Variants in AP3M2 observed in about 807,000 individuals in gnomAD.
AP3M2 encodes the protein adaptor related protein complex 3 subunit mu 2.
In AP3M2, 28 loss-of-function variants were observed where a neutral mutation model predicts 41.6. The ratio of observed to expected loss-of-function variants is 0.67; its 90% CI spans 0.50 to 0.92. AP3M2 has a LOEUF of 0.92. Ranked by LOEUF, AP3M2 falls within the 40% of genes least tolerant of loss-of-function variation. The probability of loss-of-function intolerance (pLI) is 0.00; values close to 1 mark genes in which losing one functional copy is unlikely to be tolerated. For synonymous variants in AP3M2, 193 were observed against 186.4 expected, an observed-to-expected ratio of 1.04 and a Z score of -0.29; for missense variants, 427 against 521.4, an observed-to-expected ratio of 0.82 and a Z score of 1.76.
intron 3 of AP3M2, among the ~76,000 whole-genome samples, chr8:42,161,479 C>T (rs1043433104): frequency 3.3e-5 from 5 of 151,986 alleles, no homozygotes; most frequent in African/African-American, 1.2e-4. Flanking sequence ...TGTGGTGGCA[C>T]GCGCCTGTAG....
intron 8 of AP3M2, among the ~76,000 whole-genome samples, chr8:42,168,683 G>A (rs541614055): frequency 6.6e-6 from 1 of 152,204 alleles, no homozygotes; most frequent in African/African-American, 2.4e-5. Flanking sequence ...ATCATGCAGT[G>A]GTCTAATTTT....
intron 3 of AP3M2, among the ~76,000 whole-genome samples, chr8:42,160,798 C>T (rs1376134181): frequency 6.6e-6 from 1 of 152,108 alleles, no homozygotes. Context: ...CTGCCTTTTC[C>T]CTAGACTGCT....
In AP3M2 at chr8:42,167,182, G is replaced by A. The variant is rs1804662090; in HGVS notation, c.822G>A (p.Val274=). 1 of 1,614,176 alleles carries A rather than the reference G, an allele frequency of 6.2e-7. No individual in the cohort carries two copies. Among genetic ancestry groups the A allele is most frequent in the Non-Finnish European group, 8.5e-7 (1 of 1,180,020 alleles). Residue 274 remains valine, a synonymous_variant, in exon 7 of 9, where the codon GTG becomes GTA. Transcript: ENST00000396926. ...VSAQNLVAIP[V]YVKHNISFRD... The stretch of plus-strand genomic sequence containing the variant: ...TTTCCAGTCTGGTTGCAATCCCAGT[G>A]TATGTCAAACATAACATCAGTTTCC...
intron 6 of AP3M2, 200 bp from the exon 7 acceptor site, chr8:42,166,959 GTTAAT>G (rs1012137913): frequency 1.9e-5 from 11 of 569,890 alleles, no homozygotes; most frequent in African/African-American, 1.3e-4. Flanking sequence ...CATTAGAAAA[GTTAAT>G]TTAGTTACTA....
At chr8:42,162,906 A>C (rs1379408213) in intron 4 of AP3M2, among the ~76,000 whole-genome samples, 1 of 136,370 alleles carries the variant, frequency 7.3e-6, no homozygotes, top group African/African-American at 2.8e-5. Flanking sequence ...TGATCATGAC[A>C]CTGCACTCCA....
rs1188894679 is a variant in AP3M2 at position 42,167,269 on chromosome 8, G to T, written c.909G>T (p.Lys303Asn). The T allele has an allele frequency of 6.2e-7, 1 of 1,614,038 alleles. No homozygotes were observed. Among genetic ancestry groups the T allele is most frequent in the Non-Finnish European group, 8.5e-7 (1 of 1,180,036 alleles). ...ITVGPKQTMG[K>N]TIEGVTVTSQ... ...TGGGACCCAAGCAGACGATGGGGAA[G>T]ACCATTGAGGGAGTGACTGTCACCA... is the stretch of plus-strand genomic sequence containing the variant. Residue 303 changes from lysine to asparagine, a missense_variant, in exon 7 of 9, where the codon AAG becomes AAT. Lys to Asn is a moderately conservative substitution (Grantham distance 94, BLOSUM62 0). This residue lies in a region of AP3M2 where 237 missense variants were observed against 284.9 expected (regional missense o/e 0.83). Coordinates refer to ENST00000396926, the MANE Select transcript of AP3M2 (RefSeq NM_006803.4).
Position 42,169,281 on chromosome 8 carries a change from A to T in AP3M2, c.*220A>T. On this transcript the variant is annotated 3_prime_UTR_variant, in exon 9 of 9. Coordinates refer to ENST00000396926, the MANE Select transcript of AP3M2 (RefSeq NM_006803.4). The stretch of plus-strand genomic sequence containing the variant: ...AACACAGCAACACCAGTTCTCAAGG[A>T]CAAGGTGTGTGATGGGGGTAGGAAG... The T allele has an allele frequency of 4.8e-6, 2 of 417,370 alleles. No homozygotes were observed. The highest frequency in any genetic ancestry group is 8.4e-6 in the Non-Finnish European group (2 of 236,938). 25.9% of individuals were successfully genotyped at this position (417,370 alleles called of 1,614,324 possible).
Position 42,165,464 on chromosome 8 carries a change from G to C in AP3M2, c.707G>C (p.Cys236Ser), listed in dbSNP as rs764746471. ...RLLDDVSFHP[C>S]VRFKRWESER... ...TTGGATGATGTCAGCTTCCATCCTTGTGTTCGTTTCAAACGCTGGGAATCT... is the reference window on the plus strand; with the variant it reads ...TTGGATGATGTCAGCTTCCATCCTTCTGTTCGTTTCAAACGCTGGGAATCT... The change falls in exon 6 of 9, where the codon TGT (cysteine) becomes TCT (serine). Residue 236 changes from cysteine (C) to serine (S), a missense_variant. Around this residue, in one of 3 missense-constraint regions of AP3M2, gnomAD observed 237 missense variants for 284.9 expected, o/e 0.83. Coordinates refer to ENST00000396926, the MANE Select transcript of AP3M2 (RefSeq NM_006803.4). The C allele has an allele frequency of 8.1e-6, 13 of 1,614,090 alleles. No individual in the cohort carries two copies. The highest frequency in any genetic ancestry group is 1.6e-4 in the Middle Eastern group (1 of 6,084).
At chr8:42,166,372 A>G (rs1014482506) in intron 6 of AP3M2, among the ~76,000 whole-genome samples, 2 of 152,122 alleles carry the variant, frequency 1.3e-5, no homozygotes, top group African/African-American at 4.8e-5. Flanking sequence ...GAAGTACTCA[A>G]TACATGTTAG....
intron 3 of AP3M2, among the ~76,000 whole-genome samples, chr8:42,160,797 C>T (rs1224896287): frequency 6.6e-6 from 1 of 152,160 alleles, no homozygotes; most frequent in Non-Finnish European, 1.5e-5. Context: ...CCTGCCTTTT[C>T]CCTAGACTGC....
intron 8 of AP3M2, chr8:42,168,128 G>T (rs1307965322): frequency 1.9e-6 from 1 of 519,106 alleles, no homozygotes; most frequent in Admixed American, 2.3e-5. Flanking sequence ...AAGGTTTTCA[G>T]TATGAGAATC....
intron 6 of AP3M2, among the ~76,000 whole-genome samples, chr8:42,166,482 C>T (rs1279872684): frequency 6.7e-6 from 1 of 148,438 alleles, no homozygotes; most frequent in Non-Finnish European, 1.5e-5. Context: ...TTTGTAAGGA[C>T]CAGATGATGT....
At chr8:42,165,305 C>T in intron 5 of AP3M2, 122 bp from the exon 6 acceptor site, 4 of 1,437,548 alleles carry the variant, frequency 2.8e-6, no homozygotes, top group South Asian at 2.6e-5. Flanking sequence ...GAAGTCACTA[C>T]ATGATTTCTG....
At chr8:42,164,222 G>A (rs1460665102) in intron 4 of AP3M2, among the ~76,000 whole-genome samples, 1 of 152,220 alleles carries the variant, frequency 6.6e-6, no homozygotes, top group Non-Finnish European at 1.5e-5. Context: ...GGATGCATCT[G>A]TGTTTCTGGC....
At chr8:42,167,986 C>T (rs889177212) in intron 8 of AP3M2, among the ~76,000 whole-genome samples, 176 bp downstream of exon 8, 7 of 152,162 alleles carry the variant, frequency 4.6e-5, no homozygotes, top group African/African-American at 1.7e-4. Context: ...ATTTACAATC[C>T]TTCCTTTGAA....
intron 8 of AP3M2, 31 bp downstream of exon 8, chr8:42,167,841 A>C (rs1168322787): frequency 6.3e-7 from 1 of 1,584,522 alleles, no homozygotes; most frequent in Non-Finnish European, 8.5e-7. Context: ...GAGGCTCCAA[A>C]GGGAACAAAA....
chr8:42,164,980 G>A, intron 4 of AP3M2, 91 bp from the exon 5 acceptor site: 1 of 1,092,832 alleles, frequency 9.2e-7, no homozygotes, highest in Non-Finnish European at 1.3e-6. Context: ...GTGAGGGAGA[G>A]AGGAAGAGAA....
chr8:42,162,966 A>G (rs1366588303), intron 4 of AP3M2, among the ~76,000 whole-genome samples: 2 of 145,602 alleles, frequency 1.4e-5, no homozygotes, highest in Non-Finnish European at 3.1e-5. Flanking sequence ...AAAAAAAAAA[A>G]AAAAAGTAAC....
In AP3M2 at chr8:42,167,388, CA is replaced by C; in HGVS notation, c.1011+18del. 1 of 1,611,550 alleles carries C rather than the reference CA, an allele frequency of 6.2e-7. No individual in the cohort carries two copies. Among genetic ancestry groups the C allele is most frequent in the South Asian group, 1.1e-5 (1 of 91,034 alleles). ...GTCACAAAGGTAGGGATGAGCAGGACATCTTGAATTGCTGATGTTAAGCAGA... is the reference window on the plus strand; with the variant it reads ...GTCACAAAGGTAGGGATGAGCAGGACTCTTGAATTGCTGATGTTAAGCAGA... On this transcript the variant is annotated intron_variant, in intron 7 of 8. Coordinates refer to ENST00000396926, the MANE Select transcript of AP3M2 (RefSeq NM_006803.4).
Sources: gnomAD v4.1 joint callset for allele counts (sites outside exome capture counted in the v4.1 genomes callset) on GRCh38, gnomAD v4.1.1 for gene constraint, gnomAD v4.1.1 regional missense constraint, MANE v1.5 for transcripts, NCBI Gene and HGNC (gene_info 2026-07-23, HGNC 2026-07-21) for gene names.